EXT1: variants seen among roughly 807,000 people sequenced by gnomAD.
The protein encoded by EXT1 is exostosin-1.
In EXT1, 20 loss-of-function variants were observed where a neutral mutation model predicts 82.5. The observed-to-expected ratio is 0.24, with a 90% confidence interval of 0.17 to 0.35. The LOEUF is 0.35. Among genes scored for constraint, EXT1 ranks in the 10% least tolerant of loss-of-function variants. The pLI is 1.00. For synonymous variants in EXT1, 348 were observed against 350.8 expected, an observed-to-expected ratio of 0.99 and a Z score of 0.09; for missense variants, 757 against 936.5, an observed-to-expected ratio of 0.81 and a Z score of 2.50.
intron 1 of EXT1, among the ~76,000 whole-genome samples, chr8:118,091,391 T>C (rs902093552): frequency 1.3e-5 from 2 of 152,206 alleles, no homozygotes; most frequent in African/African-American, 4.8e-5. Flanking sequence ...GATATGGATA[T>C]ATACCTTCTA....
intron 1 of EXT1, among the ~76,000 whole-genome samples, chr8:118,097,104 C>A (rs540380939): frequency 6.6e-6 from 1 of 152,196 alleles, no homozygotes; most frequent in African/African-American, 2.4e-5. Flanking sequence ...TTCCTCATCC[C>A]CACTCCTACT....
chr8:118,078,294 G>A (rs1274261727), intron 1 of EXT1, among the ~76,000 whole-genome samples: 2 of 152,176 alleles, frequency 1.3e-5, no homozygotes, highest in Non-Finnish European at 2.9e-5. Context: ...CACCTCCTAG[G>A]TTCAAGCAAT....
At chr8:117,859,233 C>T (rs1812638793) in intron 1 of EXT1, among the ~76,000 whole-genome samples, 1 of 152,190 alleles carries the variant, frequency 6.6e-6, no homozygotes, top group Non-Finnish European at 1.5e-5. Context: ...CACAATATCT[C>T]TGACGTGTGT....
In EXT1 at chr8:117,872,979, T is replaced by C. The variant is rs1334703798; in HGVS notation, c.963-35778A>G. Among the ~76,000 whole-genome samples the C allele has an allele frequency of 7.2e-5, 11 of 152,200 alleles. No homozygotes were observed. In the East Asian group the frequency reaches 1.9e-3, roughly 27 times the overall value. ...TAGTATTTGCTATGGTCTGAATGTG[T>C]GTCTCCCACAAATTTCATATGTTGA... On this transcript the variant is annotated intron_variant, in intron 1 of 10. Coordinates refer to ENST00000378204, the MANE Select transcript of EXT1 (RefSeq NM_000127.3).
At chr8:117,856,880 C>T (rs982345196) in intron 1 of EXT1, among the ~76,000 whole-genome samples, 2 of 152,160 alleles carry the variant, frequency 1.3e-5, no homozygotes, top group Non-Finnish European at 1.5e-5. Flanking sequence ...GAAGGACAGG[C>T]TGACTCTCTT....
intron 1 of EXT1, among the ~76,000 whole-genome samples, chr8:118,008,133 T>C (rs574567375): frequency 1.3e-5 from 2 of 152,334 alleles, no homozygotes; most frequent in East Asian, 1.9e-4. Context: ...TGTGTTCTCA[T>C]TGCTCAGCTC....
At chr8:118,099,345 G>A (rs954973287) in intron 1 of EXT1, among the ~76,000 whole-genome samples, 3 of 152,160 alleles carry the variant, frequency 2.0e-5, no homozygotes, top group Admixed American at 2.0e-4. Flanking sequence ...TTTCTTCCCA[G>A]TACTATCTGC....
chr8:117,912,727 C>T (rs2129993466), intron 1 of EXT1, among the ~76,000 whole-genome samples: 1 of 152,254 alleles, frequency 6.6e-6, no homozygotes, highest in East Asian at 1.9e-4. Context: ...AACATGACCA[C>T]CAGAAAGCAT....
At chr8:117,933,061 G>T (rs911829924) in intron 1 of EXT1, among the ~76,000 whole-genome samples, 1 of 151,964 alleles carries the variant, frequency 6.6e-6, no homozygotes, top group Admixed American at 6.6e-5. Context: ...CTCTCTCAGT[G>T]GTATGTTCTT....
intron 1 of EXT1, among the ~76,000 whole-genome samples, chr8:117,983,067 C>T (rs932052547): frequency 4.6e-5 from 7 of 152,158 alleles, no homozygotes; most frequent in Non-Finnish European, 4.4e-5. Context: ...TTCTCTCTCC[C>T]GAACAAGATT....
chr8:118,042,388 A>T (rs1289435199), intron 1 of EXT1, among the ~76,000 whole-genome samples: 1 of 151,984 alleles, frequency 6.6e-6, no homozygotes, highest in Non-Finnish European at 1.5e-5. Context: ...CCGCCTCCTG[A>T]TTTCAAGTGA....
At chr8:117,855,261 AGTTTTT>A (rs1305736445) in intron 1 of EXT1, among the ~76,000 whole-genome samples, 2 of 152,128 alleles carry the variant, frequency 1.3e-5, no homozygotes, top group Admixed American at 6.6e-5. Context: ...GCAGATCTTG[AGTTTTT>A]GTTTTTGTTT....
At chr8:117,831,859 A>G (rs759505629) in intron 3 of EXT1, among the ~76,000 whole-genome samples, 4 of 152,310 alleles carry the variant, frequency 2.6e-5, no homozygotes, top group Non-Finnish European at 1.5e-5. Context: ...AATGTCCAAA[A>G]CCAGATACTA....
At chr8:117,940,885 G>T (rs544026879) in intron 1 of EXT1, among the ~76,000 whole-genome samples, 11 of 152,108 alleles carry the variant, frequency 7.2e-5, no homozygotes, top group African/African-American at 2.7e-4. Context: ...GAAATGCCTG[G>T]GTAATTACCT....
intron 1 of EXT1, among the ~76,000 whole-genome samples, chr8:117,927,157 C>G (rs897526158): frequency 2.0e-5 from 3 of 152,188 alleles, no homozygotes; most frequent in Admixed American, 2.0e-4. Flanking sequence ...CAATTCCACT[C>G]ACTGATTTTT....
chr8:117,921,644 CA>C (rs1446664856), intron 1 of EXT1, among the ~76,000 whole-genome samples: 1 of 152,218 alleles, frequency 6.6e-6, no homozygotes, highest in African/African-American at 2.4e-5. Context: ...TGATCTAAAT[CA>C]AACTGAGATT....
At chr8:118,083,617 T>G (rs2129986217) in intron 1 of EXT1, among the ~76,000 whole-genome samples, 1 of 152,300 alleles carries the variant, frequency 6.6e-6, no homozygotes, top group African/African-American at 2.4e-5. Flanking sequence ...CCACACCCTT[T>G]CTGGTGTTCT....
chr8:118,090,832 C>T (rs1586267754), intron 1 of EXT1, among the ~76,000 whole-genome samples: 1 of 132,454 alleles, frequency 7.5e-6, no homozygotes, highest in Non-Finnish European at 1.6e-5. Flanking sequence ...TAGATGACAC[C>T]ACAGAATTAT....
At chr8:117,937,883 G>A (rs1373432426) in intron 1 of EXT1, among the ~76,000 whole-genome samples, 2 of 152,164 alleles carry the variant, frequency 1.3e-5, no homozygotes, top group South Asian at 2.1e-4. Flanking sequence ...TAATCAGCCT[G>A]GTATTTCTCA....
Sources: allele counts gnomAD v4.1 joint callset (sites outside exome capture counted in the v4.1 genomes callset), GRCh38; gene constraint gnomAD v4.1.1; transcripts MANE v1.5; gene names NCBI Gene and HGNC (gene_info 2026-07-23, HGNC 2026-07-21).